Variants in NSD1 observed in about 807,000 individuals in gnomAD.
NSD1 encodes the protein histone-lysine N-methyltransferase, H3 lysine-36 specific.
NSD1 carries 26 observed loss-of-function variants against 242.7 expected under a neutral mutation model. That is an observed-to-expected ratio of 0.11 (90% CI 0.08 to 0.15). The LOEUF (loss-of-function observed/expected upper bound fraction) is 0.15, where lower values mean the gene tolerates loss of function less well. Among genes scored for constraint, NSD1 ranks in the 10% least tolerant of loss-of-function variants. NSD1 has a pLI of 1.00. For synonymous variants in NSD1, 1,106 were observed against 1,178.1 expected (o/e 0.94, Z 1.25); for missense variants, 2,495 against 3,272.8 (o/e 0.76, Z 5.80).
intron 3 of NSD1, among the ~76,000 whole-genome samples, chr5:177,203,532 C>A (rs886363278): frequency 2.0e-5 from 3 of 152,094 alleles, no homozygotes; most frequent in African/African-American, 7.2e-5. Context: ...ATTGAACTTA[C>A]TATATCTAAA....
chr5:177,178,929 G>A (rs1437786728), intron 2 of NSD1, among the ~76,000 whole-genome samples: 4 of 152,160 alleles, frequency 2.6e-5, no homozygotes, highest in Non-Finnish European at 5.9e-5. Flanking sequence ...AAAGAGGTAT[G>A]CACAAGGGGA....
At chr5:177,266,092 C>T in intron 14 of NSD1, 2 of 1,128,048 alleles carry the variant, frequency 1.8e-6, no homozygotes, top group South Asian at 2.5e-5. Flanking sequence ...CGGTGGCCGT[C>T]ACATACAGTG....
intron 21 of NSD1, among the ~76,000 whole-genome samples, chr5:177,289,158 A>G (rs114622163): frequency 0.018 from 2,774 of 152,184 alleles, 33 homozygotes; most frequent in Non-Finnish European, 0.028. Flanking sequence ...CATCTCTAAT[A>G]AGAATAGAAA....
At chr5:177,183,596 C>T (rs1562167899) in intron 2 of NSD1, among the ~76,000 whole-genome samples, 1 of 152,038 alleles carries the variant, frequency 6.6e-6, no homozygotes, top group East Asian at 1.9e-4. Context: ...AGTTACCATC[C>T]CCTCAAGGAT....
chr5:177,255,395 A>G (rs1293442210), intron 12 of NSD1, among the ~76,000 whole-genome samples: 5 of 152,098 alleles, frequency 3.3e-5, no homozygotes, highest in Non-Finnish European at 1.5e-5. Context: ...TAAAATATTT[A>G]TTTGCTGGAT....
At chr5:177,273,853 C>T (rs1326559597) in intron 17 of NSD1, 69 bp downstream of exon 17, 5 of 1,032,872 alleles carry the variant, frequency 4.8e-6, no homozygotes, top group African/African-American at 3.1e-5. Flanking sequence ...CCACTCTGTT[C>T]ATGACAAGAA....
At chr5:177,174,558 T>C (rs116723745) in intron 2 of NSD1, among the ~76,000 whole-genome samples, 2,722 of 151,476 alleles carry the variant, frequency 0.018, 85 homozygotes, top group African/African-American at 0.063. Context: ...AAAATACTTA[T>C]CTGAATTTTT....
Position 177,193,765 on chromosome 5 carries a change from TTTGTTGTTG to T in NSD1, c.1063+1758_1063+1766del, listed in dbSNP as rs757472609. ...AACAGGCAACCAATTGATATTAATT[TTTGTTGTTG>T]TTGTTGTTGTTTTGTTTTGAGACGG... On this transcript the variant is annotated intron_variant, in intron 3 of 22. Coordinates refer to ENST00000439151, the MANE Select transcript of NSD1 (RefSeq NM_022455.5). Among the ~76,000 whole-genome samples the T allele has an allele frequency of 1.2e-4, 18 of 152,176 alleles. No individual in the cohort carries two copies. In the South Asian group the frequency reaches 2.5e-3, roughly 21 times the overall value.
Position 177,299,466 on chromosome 5 carries a change from C to T in NSD1, c.*4007C>T, listed in dbSNP as rs1017394041. The T allele has an allele frequency of 4.3e-6, 1 of 233,310 alleles. No individual in the cohort carries two copies. The highest frequency in any genetic ancestry group is 8.5e-6 in the Non-Finnish European group (1 of 118,056). 14.5% of individuals were successfully genotyped at this position (233,310 alleles called of 1,614,324 possible). On this transcript the variant is annotated 3_prime_UTR_variant, in exon 23 of 23. Coordinates refer to ENST00000439151, the MANE Select transcript of NSD1 (RefSeq NM_022455.5). ...CCACCTTGTCCATAGCCTCCGTCCA[C>T]GCTGCCTGGAGCAGGTTGTTAGAGA...
At chr5:177,143,485 C>G (rs913058312) in intron 2 of NSD1, among the ~76,000 whole-genome samples, 4 of 152,022 alleles carry the variant, frequency 2.6e-5, no homozygotes, top group African/African-American at 9.7e-5. Context: ...CCACGCCTGG[C>G]TAATTTTTGT....
intron 5 of NSD1, among the ~76,000 whole-genome samples, chr5:177,233,729 T>C (rs990088872): frequency 1.3e-5 from 2 of 151,998 alleles, no homozygotes; most frequent in East Asian, 3.8e-4. Flanking sequence ...ATAGCAGTAG[T>C]TGGTGCTTAT....
At chr5:177,177,148 A>G (rs1035852966) in intron 2 of NSD1, among the ~76,000 whole-genome samples, 14 of 152,100 alleles carry the variant, frequency 9.2e-5, no homozygotes, top group African/African-American at 2.9e-4. Flanking sequence ...AGTGCTGGGA[A>G]TACTGTGATG....
rs754782455 is a variant in NSD1 at position 177,295,012 on chromosome 5, A to G, written c.7644A>G (p.Leu2548=). 4.3e-6 allele frequency: 7 copies of G among 1,614,094 alleles called. No individual in the cohort carries two copies. The highest frequency in any genetic ancestry group is 5.9e-6 in the Non-Finnish European group (7 of 1,180,044). ...LLSQPPAKAF[L]YEPTTQASGR... ...CTCAGCCTCCTGCCAAGGCCTTTTT[A>G]TATGAGCCAACAACTCAGGCCTCAG... Residue 2548 remains leucine (L), a synonymous_variant, in exon 23 of 23, where the codon TTA becomes TTG. Transcript: ENST00000439151. This position sits in a 1 kb window ranked among gnomAD's most constrained non-coding sequence, Gnocchi z 4.3.
intron 5 of NSD1, among the ~76,000 whole-genome samples, chr5:177,212,475 TTCTCTCTCTCTC>T (rs1220906891): frequency 3.1e-5 from 4 of 129,346 alleles, no homozygotes; most frequent in African/African-American, 8.2e-5. Flanking sequence ...CTCTCTCTCT[TTCTCTCTCTCTC>T]TTTTTTTTTT....
intron 2 of NSD1, among the ~76,000 whole-genome samples, chr5:177,163,739 A>C (rs1237030924): frequency 6.6e-6 from 1 of 152,168 alleles, no homozygotes; most frequent in Non-Finnish European, 1.5e-5. Flanking sequence ...TTTAATCCTC[A>C]AAAGAACCCC....
intron 16 of NSD1, among the ~76,000 whole-genome samples, chr5:177,271,374 T>G (rs541522727): frequency 6.6e-6 from 1 of 152,280 alleles, no homozygotes; most frequent in South Asian, 2.1e-4. Context: ...CTGTGTTTAT[T>G]TTCTGCTTTA....
chr5:177,265,830 A>G, intron 14 of NSD1: 1 of 1,399,646 alleles, frequency 7.1e-7, no homozygotes, highest in Admixed American at 1.7e-5. Flanking sequence ...TCGATGTTGA[A>G]GTAGGCCACC....
chr5:177,152,459 C>G (rs1168941327), intron 2 of NSD1, among the ~76,000 whole-genome samples: 1 of 149,442 alleles, frequency 6.7e-6, no homozygotes, highest in Non-Finnish European at 1.5e-5. Context: ...ACTTCTGCCT[C>G]CTGGGTTCAA....
In NSD1 at chr5:177,211,412, C is replaced by T. The variant is rs1763328961; in HGVS notation, c.3013C>T (p.Leu1005Phe). 2 of 1,614,116 alleles carry T rather than the reference C, an allele frequency of 1.2e-6. No homozygotes were observed. Among genetic ancestry groups the T allele is most frequent in the South Asian group, 2.2e-5 (2 of 91,080 alleles). The change falls in exon 5 of 23, where the codon CTC becomes TTC. Residue 1005 changes from leucine to phenylalanine, a missense_variant. Physicochemically the swap from Leu to Phe is conservative, Grantham distance 22. Transcript: ENST00000439151. ...TGGCTTACTGTCCGACAAGAGAGACCTCCCTGCTTCTGGTAAAAGTCGTTC... is the reference window on the plus strand; with the variant it reads ...TGGCTTACTGTCCGACAAGAGAGACTTCCCTGCTTCTGGTAAAAGTCGTTC... ...LPGLLSDKRD[L>F]PASGKSRSDC...
Sources: allele counts gnomAD v4.1 joint callset (sites outside exome capture counted in the v4.1 genomes callset), GRCh38; gene constraint gnomAD v4.1.1; non-coding constraint Gnocchi (gnomAD v3.1); transcripts MANE v1.5; gene names NCBI Gene and HGNC (gene_info 2026-07-23, HGNC 2026-07-21).